BBS9: variants seen among roughly 807,000 people sequenced by gnomAD.
BBS9 encodes Bardet-Biedl syndrome 9, also known as protein PTHB1.
A neutral mutation model predicts 117.7 loss-of-function variants in BBS9; 89 were observed. The ratio of observed to expected loss-of-function variants is 0.76; its 90% CI spans 0.64 to 0.90. BBS9 has a LOEUF of 0.90. BBS9 is among the 40% of genes least tolerant of loss of function. The probability of loss-of-function intolerance (pLI) is 0.00; values close to 1 mark genes in which losing one functional copy is unlikely to be tolerated. For synonymous variants in BBS9, 379 were observed against 370.9 expected (o/e 1.02, Z -0.25); for missense variants, 982 against 1,042.2 (o/e 0.94, Z 0.80).
At chr7:33,626,674 G>A (rs77560059) in intron 21 of BBS9, among the ~76,000 whole-genome samples, 3,099 of 152,300 alleles carry the variant, frequency 0.02, 60 homozygotes, top group South Asian at 0.11. Flanking sequence ...TGGAGGCATT[G>A]TGGAGGTTGT....
intron 1 of BBS9, among the ~76,000 whole-genome samples, chr7:33,137,583 GT>G (rs1186032180): frequency 6.6e-6 from 1 of 152,172 alleles, no homozygotes; most frequent in Non-Finnish European, 1.5e-5. Context: ...AAGGAAATTA[GT>G]GGTATCCCAA....
chr7:33,170,957 T>C (rs1468987536), intron 4 of BBS9, among the ~76,000 whole-genome samples: 9 of 149,368 alleles, frequency 6.0e-5, no homozygotes, highest in African/African-American at 2.0e-4. Context: ...TAAAAGAGGA[T>C]ACAAACAAAT....
chr7:33,628,367 T>A (rs1865739766), intron 21 of BBS9, among the ~76,000 whole-genome samples: 1 of 152,240 alleles, frequency 6.6e-6, no homozygotes, highest in Non-Finnish European at 1.5e-5. Context: ...AGGTGGGGTT[T>A]ACCTCCAAAT....
intron 5 of BBS9, among the ~76,000 whole-genome samples, chr7:33,243,910 T>C (rs1794920178): frequency 6.6e-6 from 1 of 152,086 alleles, no homozygotes. Context: ...TTGGTGATTA[T>C]AATCTATTTC....
chr7:33,210,502 A>G (rs1468489645), intron 5 of BBS9, among the ~76,000 whole-genome samples: 1 of 151,984 alleles, frequency 6.6e-6, no homozygotes, highest in Non-Finnish European at 1.5e-5. Context: ...TCTAGCTACT[A>G]TTGTGTTGAG....
At chr7:33,623,732 A>G (rs1865517230) in intron 21 of BBS9, among the ~76,000 whole-genome samples, 1 of 152,216 alleles carries the variant, frequency 6.6e-6, no homozygotes, top group Non-Finnish European at 1.5e-5. Context: ...TGAATCTCAG[A>G]GACAGAAGCA....
At chr7:33,531,693 T>A (rs1850602818) in intron 20 of BBS9, among the ~76,000 whole-genome samples, 1 of 152,142 alleles carries the variant, frequency 6.6e-6, no homozygotes, top group South Asian at 2.1e-4. Flanking sequence ...GAGGTTAGAT[T>A]TATTCTGCAT....
At chr7:33,631,404 G>T (rs1305469816) in intron 21 of BBS9, among the ~76,000 whole-genome samples, 1 of 152,148 alleles carries the variant, frequency 6.6e-6, no homozygotes, top group Non-Finnish European at 1.5e-5. Flanking sequence ...AGGCTTTAAT[G>T]ACCTTGTCCT....
intron 21 of BBS9, among the ~76,000 whole-genome samples, chr7:33,623,290 A>C (rs1043806335): frequency 4.6e-5 from 7 of 152,158 alleles, no homozygotes; most frequent in East Asian, 1.9e-4. Context: ...GGAAAAAAAA[A>C]ACCTAATCTC....
At chr7:33,161,665 T>C (rs928729640) in intron 4 of BBS9, among the ~76,000 whole-genome samples, 1 of 152,218 alleles carries the variant, frequency 6.6e-6, no homozygotes, top group Non-Finnish European at 1.5e-5. Flanking sequence ...TAAATGGTAT[T>C]TCTGGTTACA....
intron 5 of BBS9, among the ~76,000 whole-genome samples, chr7:33,184,519 C>T (rs1032382023): frequency 1.3e-5 from 2 of 152,156 alleles, no homozygotes; most frequent in African/African-American, 2.4e-5. Flanking sequence ...AGTTGGGTCT[C>T]GAACCCAAAT....
intron 21 of BBS9, among the ~76,000 whole-genome samples, chr7:33,574,058 A>C (rs1048273868): frequency 7.2e-5 from 11 of 152,292 alleles, no homozygotes; most frequent in African/African-American, 2.4e-4. Context: ...CAGTGCCCAC[A>C]GGCTTACCTG....
intron 9 of BBS9, among the ~76,000 whole-genome samples, chr7:33,328,473 A>G (rs554338479): frequency 2.6e-5 from 4 of 152,352 alleles, no homozygotes; most frequent in African/African-American, 7.2e-5. Context: ...GCCCACGTCC[A>G]GTACTTTTGG....
chr7:33,229,765 G>T lies in BBS9; in HGVS notation c.443-27471G>T, dbSNP rs114368011. The stretch of plus-strand genomic sequence containing the variant: ...AAGATGGTGATTTCATTTCATTTGG[G>T]TATATGCCCCGAAAAGGGATTTCTG... On this transcript the variant is annotated intron_variant, in intron 5 of 22. Coordinates refer to ENST00000242067, the MANE Select transcript of BBS9 (RefSeq NM_198428.3). Among the ~76,000 whole-genome samples, 792 of 152,150 alleles carry T rather than the reference G, an allele frequency of 5.2e-3. 10 individuals are homozygous for T. Among genetic ancestry groups the T allele is most frequent in the African/African-American group, 0.018 (749 of 41,506 alleles).
chr7:33,335,035 C>T (rs77677292), intron 9 of BBS9, among the ~76,000 whole-genome samples: 49 of 152,302 alleles, frequency 3.2e-4, no homozygotes, highest in Non-Finnish European at 6.8e-4. Flanking sequence ...ATGGTAGTAT[C>T]TACTCCCAAC....
At chr7:33,390,335 T>G in intron 19 of BBS9, 1 of 985,316 alleles carries the variant, frequency 1.0e-6, no homozygotes. Flanking sequence ...TTTATACATT[T>G]AAAGTGCAGA....
At chr7:33,596,564 C>G (rs1862849267) in intron 21 of BBS9, among the ~76,000 whole-genome samples, 1 of 151,966 alleles carries the variant, frequency 6.6e-6, no homozygotes, top group East Asian at 1.9e-4. Context: ...ACTTTTTCTC[C>G]ATAACTTTTT....
At chr7:33,154,852 T>C (rs540120760) in intron 3 of BBS9, among the ~76,000 whole-genome samples, 1 of 152,376 alleles carries the variant, frequency 6.6e-6, no homozygotes, top group Non-Finnish European at 1.5e-5. Flanking sequence ...CAATGCTTTC[T>C]GGCTTTTCTT....
intron 19 of BBS9, among the ~76,000 whole-genome samples, chr7:33,428,277 T>G (rs551738115): frequency 2.6e-5 from 4 of 152,312 alleles, no homozygotes; most frequent in Admixed American, 6.5e-5. Flanking sequence ...TTGACAGGTG[T>G]GGTTCTAGGA....
Sources: allele counts gnomAD v4.1 joint callset (sites outside exome capture counted in the v4.1 genomes callset), GRCh38; gene constraint gnomAD v4.1.1; transcripts MANE v1.5; gene names NCBI Gene and HGNC (gene_info 2026-07-23, HGNC 2026-07-21).